The following ZNF385D variants were observed in gnomAD, a reference collection of about 807,000 sequenced individuals.
The protein encoded by ZNF385D is zinc finger protein 385D.
ZNF385D carries 15 observed loss-of-function variants against 35.8 expected under a neutral mutation model. The observed-to-expected ratio is 0.42, with a 90% CI of 0.28 to 0.64. ZNF385D has a LOEUF of 0.64. Among genes scored for constraint, ZNF385D ranks in the 30% least tolerant of loss-of-function variants. ZNF385D has a pLI of 0.23. For missense variants in ZNF385D, 474 were observed against 494.6 expected (o/e 0.96, Z 0.39); for synonymous variants, 212 against 186.8 (o/e 1.13, Z -1.10).
chr3:22,009,491 C>T (rs555679296), intron 3 of ZNF385D, among the ~76,000 whole-genome samples: 2 of 151,628 alleles, frequency 1.3e-5, no homozygotes, highest in East Asian at 1.9e-4. Context: ...GGCGTGGTGT[C>T]GGGTGCCTAT....
At chr3:22,096,722 C>A (rs547896564) in intron 3 of ZNF385D, among the ~76,000 whole-genome samples, 3 of 152,060 alleles carry the variant, frequency 2.0e-5, no homozygotes, top group East Asian at 1.9e-4. Context: ...TCATTCCCCA[C>A]GCTGTTCTAT....
intron 1 of ZNF385D, among the ~76,000 whole-genome samples, chr3:21,703,691 T>G (rs900833488): frequency 6.6e-5 from 10 of 152,024 alleles, no homozygotes; most frequent in Non-Finnish European, 1.3e-4. Context: ...CATTCTCCTG[T>G]GTAAAGACAC....
intron 3 of ZNF385D, among the ~76,000 whole-genome samples, chr3:21,827,124 T>G (rs748686131): frequency 1.3e-5 from 2 of 152,210 alleles, no homozygotes; most frequent in African/African-American, 4.8e-5. Context: ...AGGTCATACA[T>G]GCAATATACT....
intron 2 of ZNF385D, among the ~76,000 whole-genome samples, chr3:21,615,793 AGTGTGTGT>A (rs144521609): frequency 6.9e-6 from 1 of 145,238 alleles, no homozygotes; most frequent in East Asian, 2.1e-4. Flanking sequence ...ATGGAGAAAG[AGTGTGTGT>A]GTGTGTGTGT....
chr3:21,952,097 C>A (rs147863546), intron 3 of ZNF385D, among the ~76,000 whole-genome samples: 8 of 148,654 alleles, frequency 5.4e-5, no homozygotes, highest in African/African-American at 2.1e-4. Context: ...GATCTCATAC[C>A]TTCCTATCCA....
chr3:22,168,753 G>T (rs778540838), intron 3 of ZNF385D: 26 of 892,914 alleles, frequency 2.9e-5, no homozygotes, highest in Non-Finnish European at 3.5e-5. Flanking sequence ...CCTCACATCT[G>T]CAGGTACACA....
intron 2 of ZNF385D, among the ~76,000 whole-genome samples, chr3:22,319,424 A>T (rs573790642): frequency 7.9e-5 from 12 of 152,110 alleles, no homozygotes; most frequent in Admixed American, 7.2e-4. Flanking sequence ...TATAATTATA[A>T]AATGTGGGAC....
At chr3:21,812,457 C>T (rs766728053) in intron 3 of ZNF385D, among the ~76,000 whole-genome samples, 4 of 152,340 alleles carry the variant, frequency 2.6e-5, no homozygotes, top group East Asian at 1.9e-4. Context: ...CAAGGGAAGC[C>T]GTGATAGACG....
intron 3 of ZNF385D, among the ~76,000 whole-genome samples, chr3:22,162,320 C>CT (rs768974377): frequency 1.4e-4 from 22 of 152,112 alleles, no homozygotes; most frequent in Non-Finnish European, 3.1e-4. Flanking sequence ...GAAAAGCTGT[C>CT]TTTTTGTGGG....
intron 2 of ZNF385D, among the ~76,000 whole-genome samples, chr3:21,636,084 T>C (rs993140245): frequency 6.6e-6 from 1 of 151,902 alleles, no homozygotes; most frequent in Non-Finnish European, 1.5e-5. Flanking sequence ...CAGTCATGGA[T>C]TGCTGAATCA....
Position 21,415,199 on chromosome 3 carries a change from A to C in ZNF385D, c.*6015T>G, listed in dbSNP as rs1199251439. 6.6e-6 allele frequency: 1 copy of C among 152,090 alleles called. No individual in the cohort carries two copies. The highest frequency in any genetic ancestry group is 1.5e-5 in the Non-Finnish European group (1 of 68,004). The allele number at this position is 152,090 out of a possible 1,614,324, so 9.4% of individuals were successfully genotyped here. On this transcript the variant is annotated 3_prime_UTR_variant, in exon 8 of 8. Coordinates refer to ENST00000281523, the MANE Select transcript of ZNF385D (RefSeq NM_024697.3). ...TATTTGTTGTACTGGCAAAAATACA[A>C]TCTGGGTTTCCAATGAAGGCTCTCT... is the stretch of plus-strand genomic sequence containing the variant.
intron 4 of ZNF385D, among the ~76,000 whole-genome samples, chr3:21,444,425 T>A (rs1389933308): frequency 7.4e-6 from 1 of 135,960 alleles, no homozygotes; most frequent in Non-Finnish European, 1.6e-5. Context: ...CACTCTGTCA[T>A]CCTGGCTGTA....
At chr3:21,902,697 CAG>C (rs1023916295) in intron 3 of ZNF385D, among the ~76,000 whole-genome samples, 24 of 152,092 alleles carry the variant, frequency 1.6e-4, no homozygotes, top group Admixed American at 1.6e-3. Flanking sequence ...GGAAGCAAGG[CAG>C]AGTCATTTAA....
intron 3 of ZNF385D, among the ~76,000 whole-genome samples, chr3:21,847,451 T>C (rs907603249): frequency 2.0e-5 from 3 of 152,128 alleles, no homozygotes; most frequent in African/African-American, 7.2e-5. Flanking sequence ...ATGTTTTTGA[T>C]AGGAACAATA....
intron 3 of ZNF385D, among the ~76,000 whole-genome samples, chr3:22,086,400 A>G (rs1055236792): frequency 1.3e-5 from 2 of 151,976 alleles, no homozygotes; most frequent in African/African-American, 4.8e-5. Context: ...GCATTCCTAT[A>G]CACCAATAAC....
intron 3 of ZNF385D, among the ~76,000 whole-genome samples, chr3:21,985,954 T>C (rs1261986845): frequency 8.1e-6 from 1 of 124,208 alleles, no homozygotes; most frequent in Admixed American, 7.8e-5. Context: ...TTTATTTGCG[T>C]AGAGGTGTTT....
At chr3:22,194,727 A>G (rs1046857244) in intron 2 of ZNF385D, among the ~76,000 whole-genome samples, 1 of 151,812 alleles carries the variant, frequency 6.6e-6, no homozygotes, top group Non-Finnish European at 1.5e-5. Context: ...TTTCTTTTCA[A>G]GAATGTAGGT....
chr3:21,591,905 G>T (rs1401033087), intron 2 of ZNF385D, among the ~76,000 whole-genome samples: 1 of 151,842 alleles, frequency 6.6e-6, no homozygotes, highest in African/African-American at 2.4e-5. Flanking sequence ...GCATATTTTT[G>T]TTTAAACTTT....
At chr3:22,202,400 A>G (rs1393824038) in intron 2 of ZNF385D, among the ~76,000 whole-genome samples, 2 of 152,082 alleles carry the variant, frequency 1.3e-5, no homozygotes, top group East Asian at 3.9e-4. Flanking sequence ...TACTAGCATA[A>G]TCTCCTGGTG....
Sources: allele counts gnomAD v4.1 joint callset (sites outside exome capture counted in the v4.1 genomes callset), GRCh38; gene constraint gnomAD v4.1.1; transcripts MANE v1.5; gene names NCBI Gene and HGNC (gene_info 2026-07-23, HGNC 2026-07-21).